The following LCA5L variants were observed in gnomAD, a reference collection of about 807,000 sequenced individuals.
LCA5L encodes the protein lebercilin LCA5 like.
A neutral mutation model predicts 45.4 loss-of-function variants in LCA5L; 35 were observed. The observed-to-expected ratio is 0.77, with a 90% confidence interval of 0.59 to 1.02. The LOEUF (loss-of-function observed/expected upper bound fraction) is 1.02, where lower values mean the gene tolerates loss of function less well. LCA5L is among the 50% of genes least tolerant of loss of function. LCA5L has a pLI of 0.00. For missense variants in LCA5L, 668 were observed against 761.6 expected (o/e 0.88, Z 1.45); for synonymous variants, 233 against 264.7 (o/e 0.88, Z 1.16).
At chr21:39,426,128 T>C (rs900608729) in intron 5 of LCA5L, 3 of 152,220 alleles carry the variant, frequency 2.0e-5, no homozygotes, top group African/African-American at 7.2e-5. Context: ...TATTCCCTTA[T>C]TCCCCAAACG....
At chr21:39,421,908 T>G (rs984184941) in intron 6 of LCA5L, 83 of 152,308 alleles carry the variant, frequency 5.4e-4, no homozygotes, top group African/African-American at 1.9e-3. Flanking sequence ...TTTGTTTTGG[T>G]TTTATGTATA....
rs760350193 is a variant in LCA5L, at chr21:39,406,131, A to G, written c.1764T>C (p.Asp588=). The G allele has an allele frequency of 6.2e-7, 1 of 1,614,234 alleles. No homozygotes were observed. Among genetic ancestry groups the G allele is most frequent in the Admixed American group, 1.7e-5 (1 of 60,030 alleles). ...TGCTTTTCTTATCTCTGAAAGTTGT[A>G]TCCTTCACTTTTATTCTGGAAGACT... The part of the protein sequence containing the change: ...FGKSSRIKVK[D]TTFRDKKSSL... The change falls in exon 11 of 11, where the codon GAT becomes GAC. Residue 588 remains aspartate, a synonymous_variant. Transcript: ENST00000288350.
intron 2 of LCA5L, among the ~76,000 whole-genome samples, chr21:39,440,332 A>G (rs2076705739): frequency 6.6e-6 from 1 of 152,196 alleles, no homozygotes; most frequent in Non-Finnish European, 1.5e-5. Context: ...AGATAGGGCA[A>G]TTTGAACATC....
chr21:39,439,142 G>A (rs1448567372), intron 2 of LCA5L, among the ~76,000 whole-genome samples: 1 of 152,200 alleles, frequency 6.6e-6, no homozygotes, highest in East Asian at 1.9e-4. Flanking sequence ...GGGTCAGAGT[G>A]AGAAGGCTCT....
At chr21:39,434,062 T>G (rs1048864670) in intron 3 of LCA5L, among the ~76,000 whole-genome samples, 1 of 152,074 alleles carries the variant, frequency 6.6e-6, no homozygotes, top group Non-Finnish European at 1.5e-5. Flanking sequence ...CCTAGCATTC[T>G]GGAATTCCCA....
Position 39,410,072 on chromosome 21 carries a change from C to G in LCA5L, c.1189G>C (p.Asp397His). 6.2e-7 allele frequency: 1 copy of G among 1,610,562 alleles called. No individual in the cohort carries two copies. The highest frequency in any genetic ancestry group is 8.5e-7 in the Non-Finnish European group (1 of 1,177,388). ...ATTTCAGTTGATTTTTCTTTATGAT[C>G]GATGTTTCCTGTTGCCTTTTTACCC... The part of the protein sequence containing the change: ...TKGKKATGNI[D>H]HKEKSTEINH... The change falls in exon 10 of 11, where the codon GAT (aspartate) becomes CAT (histidine). Residue 397 changes from aspartate to histidine, a missense_variant. Asp to His is a moderately conservative substitution (Grantham distance 81). Transcript: ENST00000288350.
In LCA5L at chr21:39,423,404, C is replaced by T. The variant is rs947353048; in HGVS notation, c.409G>A (p.Asp137Asn). The T allele has an allele frequency of 6.2e-7, 1 of 1,606,954 alleles. No individual in the cohort carries two copies. Among genetic ancestry groups the T allele is most frequent in the African/African-American group, 1.3e-5 (1 of 74,768 alleles). The change falls in exon 6 of 11, where the codon GAT becomes AAT. Residue 137 changes from aspartate (D) to asparagine (N), a missense_variant. By Grantham distance (23) the Asp-to-Asn change is conservative. Coordinates refer to ENST00000288350, the MANE Select transcript of LCA5L (RefSeq NM_152505.4). ...GAGAGTATTCGATGAGCCATAGCAT[C>T]TCTTCTTTGGGCAATCATATGGATT... ...SQIHMIAQRR[D>N]AMAHRILSAR...
chr21:39,410,959 C>A (rs1483048132), intron 8 of LCA5L: 1 of 470,160 alleles, frequency 2.1e-6, no homozygotes, highest in Admixed American at 2.4e-5. Context: ...TATGGTACTT[C>A]TGAGTCGAAT....
Position 39,406,622 on chromosome 21 carries a change from A to G in LCA5L, c.1283-10T>C, listed in dbSNP as rs917375321. The G allele has an allele frequency of 1.3e-6, 2 of 1,548,192 alleles. No individual in the cohort carries two copies. Among genetic ancestry groups the G allele is most frequent in the African/African-American group, 2.8e-5 (2 of 72,102 alleles). ...TCTTCCCCTGATAAATCTATATTAG[A>G]AAAATAGGCAATTTAGTGCTGTTTA... On this transcript the variant is annotated splice_polypyrimidine_tract_variant and intron_variant, in intron 10 of 10. Transcript: ENST00000288350.
intron 3 of LCA5L, among the ~76,000 whole-genome samples, chr21:39,433,725 C>T (rs2075993820): frequency 6.7e-6 from 1 of 149,654 alleles, no homozygotes; most frequent in African/African-American, 2.4e-5. Flanking sequence ...ATCTGTTTCT[C>T]TATATTCATA....
chr21:39,424,020 T>A (rs2074204556), intron 5 of LCA5L, among the ~76,000 whole-genome samples: 1 of 152,186 alleles, frequency 6.6e-6, no homozygotes, highest in African/African-American at 2.4e-5. Flanking sequence ...TGTTTATTTT[T>A]ATTTTTTTTT....
At chr21:39,423,583 A>G (rs2074103863) in intron 5 of LCA5L, 93 bp from the exon 6 acceptor site, 4 of 992,298 alleles carry the variant, frequency 4.0e-6, no homozygotes, top group South Asian at 1.8e-5. Flanking sequence ...GCCCCCATGC[A>G]CACACACCAC....
At position 39,420,656 on chromosome 21, in the gene LCA5L, T is replaced by A. The variant is rs139473385; in HGVS notation, c.975+50A>T. The A allele has an allele frequency of 1.8e-5, 27 of 1,505,528 alleles. No individual in the cohort carries two copies. In the Middle Eastern group the frequency reaches 8.3e-4, roughly 46 times the overall value. The allele number at this position is 1,505,528 out of a possible 1,614,324, so 93.3% of individuals were successfully genotyped here. Reference sequence around the variant, plus strand: ...ATATAATAGACATAAATAGCTCATATATTTCGGGAAACAGGATTTCATTCT... The same window carrying A: ...ATATAATAGACATAAATAGCTCATAAATTTCGGGAAACAGGATTTCATTCT... On this transcript the variant is annotated intron_variant, in intron 7 of 10. Transcript: ENST00000288350.
intron 10 of LCA5L, chr21:39,407,934 T>TA (rs377404167): frequency 6.6e-6 from 1 of 152,254 alleles, no homozygotes; most frequent in Non-Finnish European, 1.5e-5. Context: ...TCTGTCAAAC[T>TA]ACTGTGTTAT....
chr21:39,438,210 CA>C (rs1425686700), intron 2 of LCA5L, among the ~76,000 whole-genome samples: 2 of 152,098 alleles, frequency 1.3e-5, no homozygotes, highest in African/African-American at 2.4e-5. Context: ...CAAACAAATA[CA>C]TATGGTAACC....
At chr21:39,423,740 G>T (rs372710181) in intron 5 of LCA5L, among the ~76,000 whole-genome samples, 82 of 152,256 alleles carry the variant, frequency 5.4e-4, no homozygotes, top group African/African-American at 1.9e-3. Context: ...TATAGCTGGA[G>T]ATTTTACATC....
At chr21:39,429,994 G>A (rs2075500034) in intron 3 of LCA5L, among the ~76,000 whole-genome samples, 1 of 152,130 alleles carries the variant, frequency 6.6e-6, no homozygotes, top group African/African-American at 2.4e-5. Flanking sequence ...CAGCCTGGGT[G>A]ACAGGGCCAA....
rs374806571 is a variant in LCA5L, at chr21:39,441,125, C to T, written c.-246+3010G>A. On this transcript the variant is annotated intron_variant, in intron 2 of 10. Transcript: ENST00000288350. ...CTGAGGTGGGCAGATCACTTGGGCCCGGGAGTTTGAGAGCAGCCTGGGCAA... is the reference window on the plus strand; with the variant it reads ...CTGAGGTGGGCAGATCACTTGGGCCTGGGAGTTTGAGAGCAGCCTGGGCAA... Among the ~76,000 whole-genome samples, 17 of 151,954 alleles carry T rather than the reference C, an allele frequency of 1.1e-4. No homozygotes were observed. In the South Asian group the frequency reaches 2.5e-3, roughly 22 times the overall value.
intron 7 of LCA5L, among the ~76,000 whole-genome samples, chr21:39,416,192 T>C (rs2147383729): frequency 6.6e-6 from 1 of 152,358 alleles, no homozygotes; most frequent in Admixed American, 6.5e-5. Flanking sequence ...TTGCTTCTTG[T>C]CCTCTACTGA....
Sources: allele counts gnomAD v4.1 joint callset (sites outside exome capture counted in the v4.1 genomes callset), GRCh38; gene constraint gnomAD v4.1.1; transcripts MANE v1.5; gene names NCBI Gene and HGNC (gene_info 2026-07-23, HGNC 2026-07-21).